The following SMYD3 variants were observed in gnomAD, a reference collection of about 807,000 sequenced individuals.
SMYD3 encodes the protein SET and MYND domain containing 3.
Under a neutral mutation model 57.7 loss-of-function variants are expected in SMYD3, and 36 were observed. The ratio of observed to expected loss-of-function variants is 0.62; its 90% CI spans 0.48 to 0.82. The LOEUF (loss-of-function observed/expected upper bound fraction) is 0.82, where lower values mean the gene tolerates loss of function less well. Ranked by LOEUF, SMYD3 falls within the 40% of genes least tolerant of loss-of-function variation. The probability of loss-of-function intolerance (pLI) is 0.00; values close to 1 mark genes in which losing one functional copy is unlikely to be tolerated. For synonymous variants in SMYD3, 211 were observed against 195.0 expected (o/e 1.08, Z -0.68); for missense variants, 515 against 538.8 (o/e 0.96, Z 0.44).
chr1:246,018,881 G>C (rs1028984469), intron 5 of SMYD3, among the ~76,000 whole-genome samples: 6 of 151,960 alleles, frequency 3.9e-5, no homozygotes, highest in African/African-American at 1.5e-4. Flanking sequence ...TGAGATTACA[G>C]GCATGAGCCA....
chr1:245,977,865 G>C (rs754566305), intron 5 of SMYD3, among the ~76,000 whole-genome samples: 45 of 152,270 alleles, frequency 3.0e-4, no homozygotes, highest in Admixed American at 1.2e-3. Flanking sequence ...CGGCTGGCAA[G>C]CAGTCTTTCT....
chr1:246,328,583 ATTAC>A (rs760628927), intron 4 of SMYD3, among the ~76,000 whole-genome samples: 11 of 152,170 alleles, frequency 7.2e-5, no homozygotes, highest in Admixed American at 4.6e-4. Flanking sequence ...TATCCTTTAG[ATTAC>A]TTATTCAACA....
chr1:245,822,837 T>C (rs1305710596), intron 10 of SMYD3, among the ~76,000 whole-genome samples: 1 of 152,182 alleles, frequency 6.6e-6, no homozygotes, highest in African/African-American at 2.4e-5. Flanking sequence ...ATAAGCCTCT[T>C]TTAAAAAAAT....
rs565709487 is a variant in SMYD3 at position 246,099,342 on chromosome 1, C to T, written c.532-169405G>A. On this transcript the variant is annotated intron_variant, in intron 5 of 11. Transcript: ENST00000490107. ...GCAACAAACTGATTTCCATGGGACG[C>T]TTGAATAAAGCAAGGCTGTCTGTCC... Among the ~76,000 whole-genome samples the T allele has an allele frequency of 1.5e-3, 235 of 152,176 alleles. 1 individual carries two copies. The highest frequency in any genetic ancestry group is 6.8e-3 in the Middle Eastern group (2 of 294).
intron 5 of SMYD3, among the ~76,000 whole-genome samples, chr1:245,985,017 C>A (rs2058674574): frequency 6.6e-6 from 1 of 152,100 alleles, no homozygotes; most frequent in South Asian, 2.1e-4. Context: ...TCTTAAGTCC[C>A]TGTTTGACTC....
chr1:246,093,643 G>A (rs2060860192), intron 5 of SMYD3, among the ~76,000 whole-genome samples: 1 of 151,888 alleles, frequency 6.6e-6, no homozygotes, highest in South Asian at 2.1e-4. Flanking sequence ...TACTTAATGG[G>A]TACAAAAATA....
chr1:246,475,133 A>G (rs1355002079), intron 1 of SMYD3, among the ~76,000 whole-genome samples: 1 of 152,002 alleles, frequency 6.6e-6, no homozygotes, highest in African/African-American at 2.4e-5. Context: ...CCTGACCAAC[A>G]TGGCAAAACC....
chr1:246,505,672 T>TA (rs2068526696), intron 1 of SMYD3, among the ~76,000 whole-genome samples: 1 of 149,428 alleles, frequency 6.7e-6, no homozygotes, highest in African/African-American at 2.5e-5. Flanking sequence ...AATCCCCAGT[T>TA]ACTGCAAACA....
intron 5 of SMYD3, among the ~76,000 whole-genome samples, chr1:246,208,223 T>C (rs1189832518): frequency 1.3e-5 from 2 of 152,156 alleles, no homozygotes; most frequent in African/African-American, 4.8e-5. Flanking sequence ...GCCATCATAA[T>C]GCCAGCAAAT....
chr1:245,952,148 GTATC>G (rs2057676940), intron 5 of SMYD3, among the ~76,000 whole-genome samples: 1 of 152,146 alleles, frequency 6.6e-6, no homozygotes, highest in African/African-American at 2.4e-5. Flanking sequence ...ATAAAGATGA[GTATC>G]TATCAATTAT....
chr1:245,797,566 C>G (rs6698144), intron 10 of SMYD3, among the ~76,000 whole-genome samples: 1 of 150,070 alleles, frequency 6.7e-6, no homozygotes, highest in South Asian at 2.1e-4. Context: ...AGGAGATATA[C>G]CTAATGTAAA....
intron 5 of SMYD3, among the ~76,000 whole-genome samples, chr1:246,218,589 C>A (rs2063203056): frequency 6.6e-6 from 1 of 151,514 alleles, no homozygotes; most frequent in African/African-American, 2.4e-5. Context: ...CCACTGCACT[C>A]CAGCCTGGGT....
chr1:245,933,184 A>C (rs530640649), intron 5 of SMYD3, among the ~76,000 whole-genome samples: 1 of 152,342 alleles, frequency 6.6e-6, no homozygotes, highest in South Asian at 2.1e-4. Flanking sequence ...AACATTTTTC[A>C]AAGTACTGTC....
At chr1:246,199,013 C>T (rs2062867461) in intron 5 of SMYD3, among the ~76,000 whole-genome samples, 2 of 152,166 alleles carry the variant, frequency 1.3e-5, no homozygotes, top group East Asian at 1.9e-4. Context: ...TCCACAGGCT[C>T]GATACATGGG....
chr1:246,359,440 G>A (rs537112018), intron 1 of SMYD3, among the ~76,000 whole-genome samples: 1 of 152,278 alleles, frequency 6.6e-6, no homozygotes, highest in East Asian at 1.9e-4. Flanking sequence ...TAGAGAAAAA[G>A]GGAATCCTCC....
At chr1:245,771,039 T>C (rs2148086379) in intron 10 of SMYD3, among the ~76,000 whole-genome samples, 1 of 149,900 alleles carries the variant, frequency 6.7e-6, no homozygotes, top group Middle Eastern at 3.4e-3. Flanking sequence ...GCAGAAGCTA[T>C]ATATATACAC....
chr1:246,332,314 G>A (rs1374260402), intron 3 of SMYD3, among the ~76,000 whole-genome samples: 1 of 152,220 alleles, frequency 6.6e-6, no homozygotes. Context: ...CTAATCTAGA[G>A]AAAGTCTGAG....
At chr1:246,258,926 C>A (rs1050799575) in intron 5 of SMYD3, among the ~76,000 whole-genome samples, 1 of 151,874 alleles carries the variant, frequency 6.6e-6, no homozygotes, top group Admixed American at 6.5e-5. Context: ...ATTATTTTTT[C>A]TTCCTTTTTG....
chr1:246,349,798 G>A (rs983061679), intron 2 of SMYD3, among the ~76,000 whole-genome samples: 2 of 152,034 alleles, frequency 1.3e-5, no homozygotes, highest in Non-Finnish European at 2.9e-5. Flanking sequence ...CTAATGAAGA[G>A]AAAAGAAATC....
Sources: gnomAD v4.1 joint callset for allele counts (sites outside exome capture counted in the v4.1 genomes callset) on GRCh38, gnomAD v4.1.1 for gene constraint, MANE v1.5 for transcripts, NCBI Gene and HGNC (gene_info 2026-07-23, HGNC 2026-07-21) for gene names.